Variants in SCD observed in about 807,000 individuals in gnomAD.
SCD encodes acyl-CoA desaturase.
Under a neutral mutation model 35.7 loss-of-function variants are expected in SCD, and 4 were observed. The observed-to-expected ratio is 0.11, with a 90% CI of 0.06 to 0.26. SCD has a LOEUF of 0.26. Ranked by LOEUF, SCD falls within the 10% of genes least tolerant of loss-of-function variation. SCD has a pLI of 1.00. For synonymous variants in SCD, 150 were observed against 170.2 expected, an observed-to-expected ratio of 0.88 and a Z score of 0.92; for missense variants, 282 against 460.7, an observed-to-expected ratio of 0.61 and a Z score of 3.55.
At chr10:100,354,681 A>T (rs1369642871) in intron 4 of SCD, 49 bp downstream of exon 4, 2 of 1,416,798 alleles carry the variant, frequency 1.4e-6, no homozygotes, top group East Asian at 2.3e-5. Context: ...GCACCTGGTC[A>T]TTAGGGACCC....
chr10:100,355,887 G>A (rs1304851340), intron 4 of SCD, among the ~76,000 whole-genome samples: 1 of 152,168 alleles, frequency 6.6e-6, no homozygotes, highest in Non-Finnish European at 1.5e-5. Context: ...GGGAAAAGAA[G>A]ACCAAAGAAT....
intron 5 of SCD, among the ~76,000 whole-genome samples, chr10:100,360,520 T>C (rs903390922): frequency 6.6e-6 from 1 of 152,224 alleles, no homozygotes; most frequent in Non-Finnish European, 1.5e-5. Context: ...GCTTGCAACA[T>C]GGCAAGACCC....
At chr10:100,360,532 G>A (rs1220323622) in intron 5 of SCD, among the ~76,000 whole-genome samples, 2 of 152,146 alleles carry the variant, frequency 1.3e-5, no homozygotes, top group Non-Finnish European at 1.5e-5. Flanking sequence ...GCAAGACCCC[G>A]TCTCTACAAA....
chr10:100,349,317 C>T (rs1163603393), intron 2 of SCD, among the ~76,000 whole-genome samples: 1 of 152,206 alleles, frequency 6.6e-6, no homozygotes, highest in East Asian at 1.9e-4. Context: ...GGCTTTTTCA[C>T]CTCTGTCACT....
chr10:100,360,033 C>G (rs748355712), intron 5 of SCD, among the ~76,000 whole-genome samples: 1 of 152,162 alleles, frequency 6.6e-6, no homozygotes, highest in Non-Finnish European at 1.5e-5. Flanking sequence ...ACACCAGGGT[C>G]AAAGCTCAAA....
intron 2 of SCD, among the ~76,000 whole-genome samples, chr10:100,350,824 T>G (rs1849863625): frequency 6.6e-6 from 1 of 152,150 alleles, no homozygotes; most frequent in Non-Finnish European, 1.5e-5. Context: ...ATACTGTATC[T>G]GGGGAGATGT....
chr10:100,352,300 T>C lies in SCD; in HGVS notation c.311-66T>C. 1 of 1,545,046 alleles carries C rather than the reference T, an allele frequency of 6.5e-7. No homozygotes were observed. Among genetic ancestry groups the C allele is most frequent in the Admixed American group, 1.7e-5 (1 of 58,000 alleles). The stretch of plus-strand genomic sequence containing the variant: ...CAGTTTCTAGCATCCAGAGAGTGTC[T>C]CTGGCATCCTTTCCCAGATGGAACT... On this transcript the variant is annotated intron_variant, in intron 2 of 5. Coordinates refer to ENST00000370355, the MANE Select transcript of SCD (RefSeq NM_005063.5). This position sits in a 1 kb window ranked among gnomAD's most constrained non-coding sequence, Gnocchi z 4.2.
chr10:100,360,209 AAG>A (rs1849975611), intron 5 of SCD, among the ~76,000 whole-genome samples: 2 of 152,172 alleles, frequency 1.3e-5, no homozygotes. Flanking sequence ...TCATTTTTTT[AAG>A]AGTCATAGCC....
At chr10:100,347,556 A>G (rs1214982450) in intron 1 of SCD, 25 bp downstream of exon 1, 29 of 1,613,098 alleles carry the variant, frequency 1.8e-5, no homozygotes, top group Non-Finnish European at 2.4e-5. Flanking sequence ...CTGGCCCCGT[A>G]CCGCCGGGTC....
chr10:100,348,383 A>T, intron 2 of SCD, 37 bp downstream of exon 2: 1 of 1,587,042 alleles, frequency 6.3e-7, no homozygotes, highest in Non-Finnish European at 8.6e-7. Context: ...CTAGTCCTCC[A>T]GGTACTCACT....
In SCD at chr10:100,361,037, A is replaced by G; in HGVS notation, c.*104A>G. On this transcript the variant is annotated 3_prime_UTR_variant, in exon 6 of 6. Transcript: ENST00000370355. ...TGCTACCAGGATGCTAAAGATGATG[A>G]TGTTAACCCATTCCAGTACAGTATT... 1 of 949,596 alleles carries G rather than the reference A, an allele frequency of 1.1e-6. No individual in the cohort carries two copies. The highest frequency in any genetic ancestry group is 1.6e-6 in the Non-Finnish European group (1 of 633,976). 58.8% of individuals were successfully genotyped at this position (949,596 alleles called of 1,614,324 possible). A position where few individuals can be genotyped will look rare whatever the true frequency, so the allele number is the denominator to read the frequency against.
chr10:100,348,053 C>A lies in SCD; in HGVS notation c.28-11C>A, dbSNP rs1240105336. ...CTCTTCTCCTGACTCTCCTCTTCCT[C>A]CCCCTTCCAGATCTCTAGCTCCTAT... On this transcript the variant is annotated splice_polypyrimidine_tract_variant and intron_variant, in intron 1 of 5. Coordinates refer to ENST00000370355, the MANE Select transcript of SCD (RefSeq NM_005063.5). The A allele has an allele frequency of 6.2e-7, 1 of 1,611,742 alleles. No individual in the cohort carries two copies. Among genetic ancestry groups the A allele is most frequent in the African/African-American group, 1.3e-5 (1 of 74,856 alleles).
intron 2 of SCD, among the ~76,000 whole-genome samples, chr10:100,348,974 GC>G (rs2133591509): frequency 6.6e-6 from 1 of 152,318 alleles, no homozygotes; most frequent in South Asian, 2.1e-4. Flanking sequence ...ATTCCAGGGT[GC>G]TGCACATACC....
intron 2 of SCD, among the ~76,000 whole-genome samples, chr10:100,351,704 G>T (rs936056065): frequency 4.6e-5 from 7 of 152,148 alleles, no homozygotes; most frequent in South Asian, 2.1e-4. Flanking sequence ...GCAGTGGCGC[G>T]ATCTTGGCTC....
rs1350689070 is a variant in SCD, at chr10:100,361,021, G to A, written c.*88G>A. 3.6e-6 allele frequency: 4 copies of A among 1,104,050 alleles called. No homozygotes were observed. The highest frequency in any genetic ancestry group is 2.2e-4 in the Middle Eastern group (1 of 4,528). 68.4% of individuals were successfully genotyped at this position (1,104,050 alleles called of 1,614,324 possible). A position where few individuals can be genotyped will look rare whatever the true frequency, so the allele number is the denominator to read the frequency against. On this transcript the variant is annotated 3_prime_UTR_variant, in exon 6 of 6. Coordinates refer to ENST00000370355, the MANE Select transcript of SCD (RefSeq NM_005063.5). ...ATTAACTACTGAATAATGCTACCAG[G>A]ATGCTAAAGATGATGATGTTAACCC...
At position 100,356,823 on chromosome 10, in the gene SCD, T is replaced by C. The variant is rs1849933742; in HGVS notation, c.880+59T>C. The C allele has an allele frequency of 7.2e-6, 10 of 1,381,316 alleles. No individual in the cohort carries two copies. Among genetic ancestry groups the C allele is most frequent in the African/African-American group, 2.9e-5 (2 of 69,790 alleles). The allele number at this position is 1,381,316 out of a possible 1,614,324, so 85.6% of individuals were successfully genotyped here. A position where few individuals can be genotyped will look rare whatever the true frequency, so the allele number is the denominator to read the frequency against. ...TGGTCTGCTGATTAGGGGATTAGGC[T>C]AGGAGCCAGAAAAACTAGATAAATC... On this transcript the variant is annotated intron_variant, in intron 5 of 5. Coordinates refer to ENST00000370355, the MANE Select transcript of SCD (RefSeq NM_005063.5). The surrounding 1 kb of genome is among the most constrained non-coding windows in gnomAD (Gnocchi z 4.1).
In SCD at chr10:100,362,556, G is replaced by C. The variant is rs977274283; in HGVS notation, c.*1623G>C. On this transcript the variant is annotated 3_prime_UTR_variant, in exon 6 of 6. Transcript: ENST00000370355. ...CCCTGAACGTTTTCTTCTTTCCCTG[G>C]ACAGGCAGCCTCCTTTGTGTGTATT... 6.6e-6 allele frequency: 1 copy of C among 152,188 alleles called. No individual in the cohort carries two copies. The highest frequency in any genetic ancestry group is 2.4e-5 in the African/African-American group (1 of 41,420). 9.4% of individuals were successfully genotyped at this position (152,188 alleles called of 1,614,324 possible).
At chr10:100,357,022 G>C (rs1849935299) in intron 5 of SCD, among the ~76,000 whole-genome samples, 1 of 152,134 alleles carries the variant, frequency 6.6e-6, no homozygotes, top group Non-Finnish European at 1.5e-5. Flanking sequence ...ATTTCCAAAT[G>C]CCATGTATGC....
intron 5 of SCD, among the ~76,000 whole-genome samples, chr10:100,357,400 T>C (rs1240045898): frequency 6.6e-6 from 1 of 152,150 alleles, no homozygotes; most frequent in African/African-American, 2.4e-5. Context: ...GAGTGTGCCG[T>C]GCCTTACTGT....
Sources: allele counts gnomAD v4.1 joint callset (sites outside exome capture counted in the v4.1 genomes callset), GRCh38; gene constraint gnomAD v4.1.1; non-coding constraint Gnocchi (gnomAD v3.1); transcripts MANE v1.5; gene names NCBI Gene and HGNC (gene_info 2026-07-23, HGNC 2026-07-21).